The following MAGI3 variants were observed in gnomAD, a reference collection of about 807,000 sequenced individuals.
MAGI3 encodes membrane associated guanylate kinase, WW and PDZ domain containing 3, also known as membrane-associated guanylate kinase, WW and PDZ domain-containing protein 3.
A neutral mutation model predicts 121.8 loss-of-function variants in MAGI3; 43 were observed. That is an observed-to-expected ratio of 0.35 (90% CI 0.28 to 0.46). The LOEUF is 0.46. Among genes scored for constraint, MAGI3 ranks in the 20% least tolerant of loss-of-function variants. MAGI3 has a pLI of 1.00. For synonymous variants in MAGI3, 553 were observed against 639.3 expected, an observed-to-expected ratio of 0.86 and a Z score of 2.04; for missense variants, 1,547 against 1,797.3, an observed-to-expected ratio of 0.86 and a Z score of 2.52.
intron 6 of MAGI3, among the ~76,000 whole-genome samples, chr1:113,608,512 G>A (rs1452784726): frequency 6.6e-6 from 1 of 152,202 alleles, no homozygotes; most frequent in Non-Finnish European, 1.5e-5. Context: ...AGGGAGACAT[G>A]AGTACTTAGT....
intron 1 of MAGI3, among the ~76,000 whole-genome samples, chr1:113,529,002 G>A (rs1259180377): frequency 1.3e-5 from 2 of 152,110 alleles, no homozygotes; most frequent in Non-Finnish European, 2.9e-5. Flanking sequence ...TTCGGTCAAA[G>A]TTTGCTTATT....
At chr1:113,619,940 G>A (rs1318052593) in intron 8 of MAGI3, 110 bp downstream of exon 8, 1 of 663,314 alleles carries the variant, frequency 1.5e-6, no homozygotes, top group African/African-American at 1.8e-5. Context: ...ACACTAAAGA[G>A]TGTCTAGTTG....
At chr1:113,585,673 A>T in intron 4 of MAGI3, 77 bp downstream of exon 4, 1 of 1,315,346 alleles carries the variant, frequency 7.6e-7, no homozygotes. Context: ...AAGCACTAAA[A>T]TTTTTTACAA....
chr1:113,514,391 A>T (rs1160092049), intron 1 of MAGI3, among the ~76,000 whole-genome samples: 1 of 152,142 alleles, frequency 6.6e-6, no homozygotes, highest in Admixed American at 6.5e-5. Flanking sequence ...TCCAACAATG[A>T]TAGACTGGAT....
chr1:113,478,087 T>C (rs1039126086), intron 1 of MAGI3, among the ~76,000 whole-genome samples: 4 of 152,336 alleles, frequency 2.6e-5, no homozygotes, highest in African/African-American at 4.8e-5. Flanking sequence ...TCAGGTCATT[T>C]AAGGTCTTCT....
chr1:113,390,883 A>C lies in MAGI3; in HGVS notation c.-151A>C. On this transcript the variant is annotated 5_prime_UTR_variant, in exon 1 of 21. Transcript: ENST00000307546. Reference sequence around the variant, plus strand: ...CGCGTCTGGGAACGGCCGGGCCCCCAGCGGGCTGTGGTCGCGGGGTGGGGG... The same window carrying C: ...CGCGTCTGGGAACGGCCGGGCCCCCCGCGGGCTGTGGTCGCGGGGTGGGGG... 2.5e-6 allele frequency: 1 copy of C among 398,140 alleles called. No individual in the cohort carries two copies. The highest frequency in any genetic ancestry group is 3.9e-6 in the Non-Finnish European group (1 of 253,760). The allele number at this position is 398,140 out of a possible 1,614,324, so 24.7% of individuals were successfully genotyped here.
chr1:113,661,722 T>C (rs1653793232), intron 16 of MAGI3, among the ~76,000 whole-genome samples: 1 of 151,800 alleles, frequency 6.6e-6, no homozygotes, highest in Admixed American at 6.5e-5. Flanking sequence ...TCAGTTTGTG[T>C]GCAGAGAAAA....
intron 19 of MAGI3, among the ~76,000 whole-genome samples, chr1:113,679,279 G>C (rs1465853839): frequency 6.6e-6 from 1 of 151,876 alleles, no homozygotes; most frequent in Non-Finnish European, 1.5e-5. Flanking sequence ...TTGTATTCCC[G>C]TGTCTGTTGT....
At chr1:113,568,447 A>T (rs1227885275) in intron 2 of MAGI3, among the ~76,000 whole-genome samples, 2 of 152,104 alleles carry the variant, frequency 1.3e-5, no homozygotes, top group African/African-American at 2.4e-5. Flanking sequence ...GATTCAATGT[A>T]ATTCCATAAA....
intron 9 of MAGI3, among the ~76,000 whole-genome samples, chr1:113,623,420 C>T (rs1650972266): frequency 6.8e-6 from 1 of 146,774 alleles, no homozygotes; most frequent in South Asian, 2.1e-4. Flanking sequence ...TATACACACA[C>T]ATATATATAA....
At chr1:113,602,490 A>G (rs1649467416) in intron 6 of MAGI3, among the ~76,000 whole-genome samples, 2 of 152,240 alleles carry the variant, frequency 1.3e-5, no homozygotes, top group African/African-American at 4.8e-5. Context: ...TTATAGCACT[A>G]AATTGCTACA....
chr1:113,559,257 G>A (rs990205165), intron 2 of MAGI3, among the ~76,000 whole-genome samples: 12 of 152,148 alleles, frequency 7.9e-5, no homozygotes, highest in African/African-American at 2.2e-4. Context: ...ACACAGAATA[G>A]CAAGCTGTAT....
chr1:113,496,240 T>G (rs1656912553), intron 1 of MAGI3, among the ~76,000 whole-genome samples: 3 of 152,228 alleles, frequency 2.0e-5, no homozygotes, highest in Non-Finnish European at 4.4e-5. Flanking sequence ...ACAACTTAGA[T>G]TTTAAATTTG....
intron 1 of MAGI3, among the ~76,000 whole-genome samples, chr1:113,480,824 A>G (rs1321368585): frequency 1.3e-5 from 2 of 152,136 alleles, no homozygotes; most frequent in African/African-American, 4.8e-5. Flanking sequence ...GGAAACTCCT[A>G]TTCTGCCATC....
intron 20 of MAGI3, chr1:113,682,299 C>T (rs372451874): frequency 1.9e-6 from 3 of 1,589,826 alleles, no homozygotes. Context: ...CTTAAAAAGA[C>T]TTGGTAAATT....
chr1:113,477,045 C>A (rs1276367252), intron 1 of MAGI3, among the ~76,000 whole-genome samples: 2 of 148,256 alleles, frequency 1.3e-5, no homozygotes, highest in Non-Finnish European at 3.0e-5. Flanking sequence ...AGGGTTGCAC[C>A]CCTGCTTTTT....
intron 1 of MAGI3, among the ~76,000 whole-genome samples, chr1:113,474,876 G>A (rs1655732730): frequency 6.6e-6 from 1 of 152,220 alleles, no homozygotes; most frequent in South Asian, 2.1e-4. Flanking sequence ...TATGAGCATG[G>A]AATATTCTTC....
intron 16 of MAGI3, among the ~76,000 whole-genome samples, chr1:113,670,589 A>G (rs1647488304): frequency 6.6e-6 from 1 of 152,222 alleles, no homozygotes; most frequent in South Asian, 2.1e-4. Context: ...TTCAGCATAT[A>G]TGTTTAAAGA....
intron 1 of MAGI3, among the ~76,000 whole-genome samples, chr1:113,439,943 C>T (rs1653829480): frequency 6.6e-6 from 1 of 152,114 alleles, no homozygotes; most frequent in East Asian, 1.9e-4. Context: ...TGTGCTGTTT[C>T]TTTACTACTA....
Sources: gnomAD v4.1 joint callset for allele counts (sites outside exome capture counted in the v4.1 genomes callset) on GRCh38, gnomAD v4.1.1 for gene constraint, MANE v1.5 for transcripts, NCBI Gene and HGNC (gene_info 2026-07-23, HGNC 2026-07-21) for gene names.